Variants in SLC15A5 observed in about 807,000 individuals in gnomAD.
SLC15A5 encodes solute carrier family 15 member 5.
Under a neutral mutation model 56.1 loss-of-function variants are expected in SLC15A5, and 58 were observed. The ratio of observed to expected loss-of-function variants is 1.03; its 90% confidence interval spans 0.84 to 1.29. The LOEUF (loss-of-function observed/expected upper bound fraction) is 1.29. SLC15A5 is among the 50% of genes most tolerant of loss of function. The pLI is 0.00. For synonymous variants in SLC15A5, 264 were observed against 250.5 expected (o/e 1.05, Z -0.51); for missense variants, 681 against 672.1 (o/e 1.01, Z -0.15).
At chr12:16,214,018 A>G (rs1864107668) in intron 7 of SLC15A5, among the ~76,000 whole-genome samples, 1 of 152,210 alleles carries the variant, frequency 6.6e-6, no homozygotes, top group Non-Finnish European at 1.5e-5. Flanking sequence ...ATTGAAATCA[A>G]TGTTGGAACT....
At chr12:16,242,348 A>G (rs1004124472) in intron 4 of SLC15A5, among the ~76,000 whole-genome samples, 3 of 79,778 alleles carry the variant, frequency 3.8e-5, no homozygotes, top group Admixed American at 1.3e-4. Flanking sequence ...TAATTTTGGA[A>G]TCTATGTAGT....
chr12:16,259,734 C>G (rs1372657618), intron 2 of SLC15A5, among the ~76,000 whole-genome samples: 1 of 152,120 alleles, frequency 6.6e-6, no homozygotes, highest in African/African-American at 2.4e-5. Flanking sequence ...ATTATTTCCT[C>G]CATCACACAG....
rs773743855 is a variant in SLC15A5 at position 16,194,583 on chromosome 12, A to T, written c.1484-130T>A. 4.5e-4 allele frequency: 251 copies of T among 555,698 alleles called. 2 individuals carry two copies. The highest frequency in any genetic ancestry group is 1.1e-4 in the Non-Finnish European group (35 of 331,034). 34.4% of individuals were successfully genotyped at this position (555,698 alleles called of 1,614,324 possible). ...CACAAAGCAAAAAAGCTCATCTGAA[A>T]CTTGATTGTCAAAATTTATTTAATT... On this transcript the variant is annotated intron_variant, in intron 7 of 8. Coordinates refer to ENST00000344941, the MANE Select transcript of SLC15A5 (RefSeq NM_001170798.1).
In SLC15A5 at chr12:16,215,093, C is replaced by T. The variant is rs186358569; in HGVS notation, c.1483+1800G>A. Among the ~76,000 whole-genome samples, 435 of 151,294 alleles carry T rather than the reference C, an allele frequency of 2.9e-3. 2 individuals are homozygous for T. The highest frequency in any genetic ancestry group is 9.4e-3 in the African/African-American group (387 of 41,250). On this transcript the variant is annotated intron_variant, in intron 7 of 8. Coordinates refer to ENST00000344941, the MANE Select transcript of SLC15A5 (RefSeq NM_001170798.1). ...TGGTGTGCACCTGTAGTACCAGCTA[C>T]GCGGGAGGCTGAGGCAGGAGAATTG...
At chr12:16,277,217 T>C (rs1310074183) in intron 1 of SLC15A5, 108 bp downstream of exon 1, 1 of 1,104,988 alleles carries the variant, frequency 9.0e-7, no homozygotes, top group Non-Finnish European at 1.2e-6. Context: ...TTACTTCATT[T>C]ATCACATTTT....
intron 8 of SLC15A5, among the ~76,000 whole-genome samples, chr12:16,191,659 A>C (rs2136236262): frequency 6.6e-6 from 1 of 152,232 alleles, no homozygotes; most frequent in Middle Eastern, 3.4e-3. Context: ...TATAGAAAAA[A>C]ATCGGAATCA....
intron 2 of SLC15A5, among the ~76,000 whole-genome samples, chr12:16,259,990 G>A (rs1864627865): frequency 6.6e-6 from 1 of 151,938 alleles, no homozygotes; most frequent in South Asian, 2.1e-4. Context: ...CACCCGACTT[G>A]GGAATCAGAG....
At chr12:16,241,585 A>G (rs1864415369) in intron 4 of SLC15A5, among the ~76,000 whole-genome samples, 1 of 152,216 alleles carries the variant, frequency 6.6e-6, no homozygotes, top group South Asian at 2.1e-4. Flanking sequence ...TTGGCTGAGT[A>G]CAGATGGCAA....
chr12:16,231,853 C>T (rs1565665147), intron 5 of SLC15A5, among the ~76,000 whole-genome samples: 3 of 152,178 alleles, frequency 2.0e-5, no homozygotes. Flanking sequence ...AAGTATGCCT[C>T]AAAGCAGGAG....
chr12:16,256,913 A>AATAGATAGATAGATAGATAGATAGATAG (rs55965104), intron 3 of SLC15A5, among the ~76,000 whole-genome samples: 3 of 148,480 alleles, frequency 2.0e-5, no homozygotes, highest in Non-Finnish European at 4.4e-5. Context: ...ATGCATGGGG[A>AATAGATAGATAGATAGATAGATAGATAG]ATAGATAGAT....
intron 4 of SLC15A5, among the ~76,000 whole-genome samples, chr12:16,244,372 A>T (rs61915932): frequency 0.044 from 6,637 of 152,210 alleles, 175 homozygotes; most frequent in African/African-American, 0.063. Context: ...CAAAAGAAAC[A>T]CATCCCAGGG....
chr12:16,223,823 C>G (rs558365566), intron 6 of SLC15A5, among the ~76,000 whole-genome samples: 1 of 113,364 alleles, frequency 8.8e-6, no homozygotes, highest in East Asian at 3.4e-4. Flanking sequence ...TCAAGTGATT[C>G]TCCTGCCTCA....
chr12:16,223,871 C>G (rs1489228432), intron 6 of SLC15A5, among the ~76,000 whole-genome samples: 1 of 152,082 alleles, frequency 6.6e-6, no homozygotes, highest in Non-Finnish European at 1.5e-5. Flanking sequence ...CGCCTGCCAC[C>G]ACACCTGGCT....
At chr12:16,255,702 G>A (rs530321774) in intron 3 of SLC15A5, among the ~76,000 whole-genome samples, 25 of 151,868 alleles carry the variant, frequency 1.6e-4, no homozygotes, top group Middle Eastern at 3.2e-3. Context: ...AAACCCAAAT[G>A]TCTATCCATA....
At chr12:16,211,404 C>A (rs1864079223) in intron 7 of SLC15A5, among the ~76,000 whole-genome samples, 2 of 152,142 alleles carry the variant, frequency 1.3e-5, no homozygotes, top group Admixed American at 1.3e-4. Context: ...AATTAAACAG[C>A]TACATTCTTT....
intron 2 of SLC15A5, among the ~76,000 whole-genome samples, chr12:16,260,385 C>A (rs1864631457): frequency 2.0e-5 from 3 of 152,116 alleles, no homozygotes. Context: ...TTGGAATCTC[C>A]CTACGTTCGT....
chr12:16,272,530 C>A (rs1293495300), intron 2 of SLC15A5, 31 bp downstream of exon 2: 1 of 1,525,228 alleles, frequency 6.6e-7, no homozygotes, highest in Non-Finnish European at 8.8e-7. Flanking sequence ...TGGTCATAAG[C>A]CTCTTTTCTC....
At chr12:16,226,843 A>G (rs1310957411) in intron 5 of SLC15A5, among the ~76,000 whole-genome samples, 1 of 152,160 alleles carries the variant, frequency 6.6e-6, no homozygotes, top group Non-Finnish European at 1.5e-5. Context: ...ACTGGACTTA[A>G]TCCTTTCGTT....
At position 16,189,540 on chromosome 12, in the gene SLC15A5, T is replaced by C. The variant is rs1863820143; in HGVS notation, c.*128A>G. ...TCATAATTAGTCTTTGTAAATAAAG[T>C]ATACAGATGATATTTGTAAAATCAC... On this transcript the variant is annotated 3_prime_UTR_variant, in exon 9 of 9. Transcript: ENST00000344941. 1 of 716,404 alleles carries C rather than the reference T, an allele frequency of 1.4e-6. No homozygotes were observed. The highest frequency in any genetic ancestry group is 2.0e-6 in the Non-Finnish European group (1 of 510,852). 44.4% of individuals were successfully genotyped at this position (716,404 alleles called of 1,614,324 possible). A position where few individuals can be genotyped will look rare whatever the true frequency, so the allele number is the denominator to read the frequency against.
Sources: allele counts gnomAD v4.1 joint callset (sites outside exome capture counted in the v4.1 genomes callset), GRCh38; gene constraint gnomAD v4.1.1; transcripts MANE v1.5; gene names NCBI Gene and HGNC (gene_info 2026-07-23, HGNC 2026-07-21).